Variants in BACH2 observed in about 807,000 individuals in gnomAD.
BACH2 encodes transcription regulator protein BACH2.
In BACH2, 5 loss-of-function variants were observed where a neutral mutation model predicts 61.8. The observed-to-expected ratio is 0.08, with a 90% CI of 0.04 to 0.17. The LOEUF is 0.17. Among genes scored for constraint, BACH2 ranks in the 10% least tolerant of loss-of-function variants. BACH2 has a pLI of 1.00. For missense variants in BACH2, 824 were observed against 1,091.1 expected (o/e 0.76, Z 3.45); for synonymous variants, 446 against 440.1 (o/e 1.01, Z -0.17).
At chr6:90,098,099 G>T (rs962930011) in intron 4 of BACH2, among the ~76,000 whole-genome samples, 2 of 152,112 alleles carry the variant, frequency 1.3e-5, no homozygotes, top group African/African-American at 2.4e-5. Flanking sequence ...AAGTAAAATA[G>T]TATTTCTTGG....
At chr6:90,092,728 T>G (rs559171061) in intron 4 of BACH2, among the ~76,000 whole-genome samples, 9 of 152,332 alleles carry the variant, frequency 5.9e-5, no homozygotes, top group African/African-American at 2.2e-4. Context: ...AAAAAAGTAC[T>G]AAGTTAGAAG....
chr6:89,932,365 C>CTGGA lies in BACH2; in HGVS notation c.*39_*42dup. 1 of 1,586,576 alleles carries CTGGA rather than the reference C, an allele frequency of 6.3e-7. No individual in the cohort carries two copies. The highest frequency in any genetic ancestry group is 1.7e-4 in the Middle Eastern group (1 of 5,848). On this transcript the variant is annotated 3_prime_UTR_variant, in exon 9 of 9. Transcript: ENST00000257749. ...GTGCCACAGGCTGACTGAAGAACGC[C>CTGGA]TGGATGGGAGAGGTGTGCGGACTGG...
chr6:90,191,400 C>A (rs1407202083), intron 4 of BACH2, among the ~76,000 whole-genome samples: 4 of 152,248 alleles, frequency 2.6e-5, no homozygotes, highest in African/African-American at 9.6e-5. Flanking sequence ...TTTTCAACTA[C>A]TGCATTCATC....
At chr6:90,148,437 T>A (rs886843769) in intron 4 of BACH2, among the ~76,000 whole-genome samples, 1 of 152,216 alleles carries the variant, frequency 6.6e-6, no homozygotes, top group Non-Finnish European at 1.5e-5. Flanking sequence ...TCTGAAAAGA[T>A]AGATACACAG....
intron 4 of BACH2, among the ~76,000 whole-genome samples, chr6:90,110,742 G>A (rs1037359661): frequency 5.9e-5 from 9 of 152,178 alleles, no homozygotes; most frequent in Non-Finnish European, 2.9e-5. Flanking sequence ...GAGTTTGTCT[G>A]TTAGTTGTTC....
chr6:90,183,571 A>T (rs1768240840), intron 4 of BACH2, among the ~76,000 whole-genome samples: 2 of 152,230 alleles, frequency 1.3e-5, no homozygotes, highest in Non-Finnish European at 2.9e-5. Flanking sequence ...ATTTGTTCCT[A>T]CTGCCACCAG....
chr6:90,045,079 G>C (rs1019513652), intron 5 of BACH2, among the ~76,000 whole-genome samples: 17 of 152,216 alleles, frequency 1.1e-4, no homozygotes, highest in Non-Finnish European at 2.9e-5. Flanking sequence ...GCTCAGGAAG[G>C]AAACTGTTAT....
intron 5 of BACH2, among the ~76,000 whole-genome samples, chr6:90,056,174 G>T (rs1780336791): frequency 6.6e-6 from 1 of 152,112 alleles, no homozygotes; most frequent in Non-Finnish European, 1.5e-5. Context: ...GACACAGACT[G>T]GCAAATTGGA....
chr6:89,968,249 G>A (rs1419649841), intron 6 of BACH2, among the ~76,000 whole-genome samples: 2 of 152,218 alleles, frequency 1.3e-5, no homozygotes, highest in Non-Finnish European at 2.9e-5. Flanking sequence ...CTATGACCTG[G>A]ACAATCAGCA....
At chr6:90,082,653 T>C (rs1781773010) in intron 5 of BACH2, among the ~76,000 whole-genome samples, 1 of 152,236 alleles carries the variant, frequency 6.6e-6, no homozygotes, top group Admixed American at 6.5e-5. Flanking sequence ...AGCCAGATTA[T>C]AGGTAATTTA....
At chr6:90,194,512 G>A (rs1479212106) in intron 4 of BACH2, among the ~76,000 whole-genome samples, 2 of 152,190 alleles carry the variant, frequency 1.3e-5, no homozygotes, top group Non-Finnish European at 2.9e-5. Flanking sequence ...CAAAACACAT[G>A]TGAGATGTGG....
At chr6:90,275,577 G>A (rs78727630) in intron 1 of BACH2, among the ~76,000 whole-genome samples, 17,322 of 151,546 alleles carry the variant, frequency 0.11, 1,305 homozygotes, top group Non-Finnish European at 0.17. Flanking sequence ...GGGGTTTGTC[G>A]TACAGATTAT....
At chr6:90,134,709 T>C (rs1368324041) in intron 4 of BACH2, among the ~76,000 whole-genome samples, 3 of 152,216 alleles carry the variant, frequency 2.0e-5, no homozygotes, top group Non-Finnish European at 2.9e-5. Context: ...AGTCAGGGTA[T>C]TTGCTAGAGG....
intron 2 of BACH2, among the ~76,000 whole-genome samples, chr6:90,262,569 C>T (rs929006812): frequency 6.6e-6 from 1 of 152,162 alleles, no homozygotes; most frequent in Non-Finnish European, 1.5e-5. Context: ...GAATGATGTA[C>T]AGACCCAATC....
At chr6:90,170,876 G>A (rs1767788175) in intron 4 of BACH2, among the ~76,000 whole-genome samples, 1 of 152,154 alleles carries the variant, frequency 6.6e-6, no homozygotes, top group African/African-American at 2.4e-5. Flanking sequence ...AGTTGAAAAT[G>A]ACAAGGAAAT....
intron 6 of BACH2, among the ~76,000 whole-genome samples, chr6:89,962,716 T>C (rs1774818452): frequency 6.6e-6 from 1 of 152,198 alleles, no homozygotes; most frequent in African/African-American, 2.4e-5. Context: ...TTTTTCTTGT[T>C]AACATAAAAA....
intron 5 of BACH2, among the ~76,000 whole-genome samples, chr6:90,041,647 T>C (rs1219058513): frequency 6.6e-6 from 1 of 152,178 alleles, no homozygotes; most frequent in Non-Finnish European, 1.5e-5. Flanking sequence ...GACTAAATTA[T>C]ATTTTCTTAG....
intron 3 of BACH2, among the ~76,000 whole-genome samples, chr6:90,228,923 T>C (rs191118327): frequency 1.3e-5 from 2 of 152,238 alleles, no homozygotes; most frequent in East Asian, 3.9e-4. Flanking sequence ...GAGGTACAAT[T>C]CCAAGTCAGG....
chr6:90,265,858 T>C (rs1771311656), intron 2 of BACH2, among the ~76,000 whole-genome samples: 1 of 152,134 alleles, frequency 6.6e-6, no homozygotes, highest in Non-Finnish European at 1.5e-5. Context: ...ACAGAAGAAA[T>C]GAACATTTAT....
Sources: allele counts gnomAD v4.1 joint callset (sites outside exome capture counted in the v4.1 genomes callset), GRCh38; gene constraint gnomAD v4.1.1; transcripts MANE v1.5; gene names NCBI Gene and HGNC (gene_info 2026-07-23, HGNC 2026-07-21).